MFHAS1: variants seen among roughly 807,000 people sequenced by gnomAD.
The protein encoded by MFHAS1 is multifunctional ROCO family signaling regulator 1.
Under a neutral mutation model 70.4 loss-of-function variants are expected in MFHAS1, and 50 were observed. That is an observed-to-expected ratio of 0.71 (90% CI 0.57 to 0.90). The LOEUF is 0.90. MFHAS1 is among the 40% of genes least tolerant of loss of function. The pLI, the probability that MFHAS1 is intolerant of heterozygous loss-of-function variation, is 0.00. For synonymous variants in MFHAS1, 952 were observed against 620.0 expected (o/e 1.54, Z -7.96); for missense variants, 1,795 against 1,347.6 (o/e 1.33, Z -5.20).
chr8:8,887,585 A>T (rs1809816557), intron 1 of MFHAS1, among the ~76,000 whole-genome samples: 1 of 150,280 alleles, frequency 6.7e-6, no homozygotes, highest in Non-Finnish European at 1.5e-5. Flanking sequence ...TTATATGTAT[A>T]TGTATATATT....
rs768115297 is a variant in MFHAS1, at chr8:8,891,985, G to C, written c.1074C>G (p.Pro358=). ...VLQGNQIAVL[P]DHFGQLSRVG... is the part of the protein sequence containing the mutation. ...CCCGGGAGAGCTGGCCAAAGTGGTC[G>C]GGCAGCACCGCGATCTGGTTCCCCT... The change falls in exon 1 of 3, where the codon CCC becomes CCG. Residue 358 remains proline, a synonymous_variant. Coordinates refer to ENST00000276282, the MANE Select transcript of MFHAS1 (RefSeq NM_004225.3). The surrounding 1 kb of genome is among the most constrained non-coding windows in gnomAD (Gnocchi z 5.4). 1.7e-5 allele frequency: 27 copies of C among 1,613,070 alleles called. No individual in the cohort carries two copies. The Admixed American group carries it at 3.7e-4, about 22-fold the overall frequency.
chr8:8,880,291 T>C (rs1221806347), intron 1 of MFHAS1, among the ~76,000 whole-genome samples: 3 of 152,232 alleles, frequency 2.0e-5, no homozygotes, highest in Non-Finnish European at 4.4e-5. Flanking sequence ...GACACCAATG[T>C]ATCTGCCCCA....
intron 1 of MFHAS1, among the ~76,000 whole-genome samples, chr8:8,872,767 A>G (rs1164762841): frequency 1.3e-5 from 2 of 149,634 alleles, no homozygotes; most frequent in Non-Finnish European, 2.9e-5. Flanking sequence ...CCCTATTCCA[A>G]GGGAAAAAAT....
At chr8:8,814,832 C>T (rs1806676419) in intron 1 of MFHAS1, among the ~76,000 whole-genome samples, 1 of 149,198 alleles carries the variant, frequency 6.7e-6, no homozygotes, top group South Asian at 2.1e-4. Flanking sequence ...GATACTACTT[C>T]ATGCCTGCTA....
At position 8,882,136 on chromosome 8, in the gene MFHAS1, T is replaced by G. The variant is rs1447792949; in HGVS notation, c.2998+7925A>C. Reference sequence around the variant, plus strand: ...TGGCTCACACCTGTAATCCCAGCACTCTGGGAGGCCAAAGCGGGCAGACCA... The same window carrying G: ...TGGCTCACACCTGTAATCCCAGCACGCTGGGAGGCCAAAGCGGGCAGACCA... On this transcript the variant is annotated intron_variant, in intron 1 of 2. Transcript: ENST00000276282. Among the ~76,000 whole-genome samples the G allele has an allele frequency of 2.0e-5, 3 of 152,074 alleles. No homozygotes were observed. The East Asian group carries it at 5.8e-4, about 29-fold the overall frequency.
chr8:8,813,069 C>T (rs1434834395), intron 1 of MFHAS1, among the ~76,000 whole-genome samples: 2 of 152,124 alleles, frequency 1.3e-5, no homozygotes, highest in East Asian at 3.9e-4. Context: ...ACCTGGCCTT[C>T]ATATAATGAC....
chr8:8,803,817 C>T (rs1188801099), intron 1 of MFHAS1, among the ~76,000 whole-genome samples: 1 of 151,916 alleles, frequency 6.6e-6, no homozygotes, highest in Non-Finnish European at 1.5e-5. Flanking sequence ...ACTAAAAAAA[C>T]AAAAATTAGC....
At chr8:8,871,558 G>C (rs912828971) in intron 1 of MFHAS1, among the ~76,000 whole-genome samples, 1 of 152,040 alleles carries the variant, frequency 6.6e-6, no homozygotes, top group African/African-American at 2.4e-5. Flanking sequence ...CGCAAACAAA[G>C]AAAAAACTAC....
intron 1 of MFHAS1, among the ~76,000 whole-genome samples, chr8:8,879,458 T>C (rs1256006105): frequency 1.3e-5 from 2 of 152,226 alleles, no homozygotes; most frequent in East Asian, 3.8e-4. Flanking sequence ...AATTTCCTTT[T>C]TCCAGCATCC....
At chr8:8,841,569 G>A (rs1344566015) in intron 1 of MFHAS1, among the ~76,000 whole-genome samples, 6 of 152,176 alleles carry the variant, frequency 3.9e-5, no homozygotes, top group African/African-American at 1.2e-4. Flanking sequence ...AATGTAAGAG[G>A]CCTTGTGAGC....
At chr8:8,889,045 C>G (rs200692493) in intron 1 of MFHAS1, among the ~76,000 whole-genome samples, 2 of 118,750 alleles carry the variant, frequency 1.7e-5, no homozygotes, top group South Asian at 5.6e-4. Flanking sequence ...AAAAAAAAAA[C>G]AAAAAACCCC....
In MFHAS1 at chr8:8,797,426, C is replaced by T; in HGVS notation, c.3064G>A (p.Glu1022Lys). Residue 1022 changes from glutamate to lysine, a missense_variant, in exon 2 of 3, where the codon GAG becomes AAG. Glu to Lys is a moderately conservative substitution (Grantham distance 56). Transcript: ENST00000276282. ...AEIICPKNGS[E>K]RVNVALVYPP... The stretch of plus-strand genomic sequence containing the variant: ...TAAACCAAGGCAACATTTACTCGCT[C>T]GCTGCCGTTCTTGGGGCAAATGATC... The T allele has an allele frequency of 2.5e-6, 4 of 1,614,106 alleles. No individual in the cohort carries two copies. Among genetic ancestry groups the T allele is most frequent in the Non-Finnish European group, 3.4e-6 (4 of 1,180,018 alleles).
At chr8:8,861,035 G>A (rs1250213456) in intron 1 of MFHAS1, among the ~76,000 whole-genome samples, 2 of 152,250 alleles carry the variant, frequency 1.3e-5, no homozygotes, top group Non-Finnish European at 1.5e-5. Flanking sequence ...AAGTCTACAC[G>A]TGCCTTTTAA....
At chr8:8,818,533 A>C (rs77138270) in intron 1 of MFHAS1, among the ~76,000 whole-genome samples, 3,231 of 152,318 alleles carry the variant, frequency 0.021, 120 homozygotes, top group African/African-American at 0.074. Context: ...GAACTGACTT[A>C]GCCTCCTGAG....
At chr8:8,865,970 T>C (rs1808840512) in intron 1 of MFHAS1, among the ~76,000 whole-genome samples, 1 of 152,200 alleles carries the variant, frequency 6.6e-6, no homozygotes, top group South Asian at 2.1e-4. Context: ...CTCCTGACAG[T>C]GCAGCCACGG....
chr8:8,792,229 T>A (rs1007597382), intron 2 of MFHAS1, among the ~76,000 whole-genome samples: 2 of 80,946 alleles, frequency 2.5e-5, no homozygotes, highest in African/African-American at 1.4e-4. Context: ...GGAGTGAGAC[T>A]CTGTCCCAAA....
Position 8,796,688 on chromosome 8 carries a change from CAA to C in MFHAS1, c.3125+675_3125+676del, listed in dbSNP as rs55756300. On this transcript the variant is annotated intron_variant, in intron 2 of 2. Coordinates refer to ENST00000276282, the MANE Select transcript of MFHAS1 (RefSeq NM_004225.3). ...GACAGAGCAAGACTCCGTCTCAAAA[CAA>C]AAAAAAAAAAAAAGGCAAAAAAAGG... is the stretch of plus-strand genomic sequence containing the variant. Among the ~76,000 whole-genome samples the C allele has an allele frequency of 6.1e-3, 152 of 24,758 alleles. 52 individuals carry two copies. Among genetic ancestry groups the C allele is most frequent in the African/African-American group, 0.023 (134 of 5,872 alleles). The allele number at this position is 24,758 out of a possible 152,430, so 16.2% of individuals were successfully genotyped here. A position where few individuals can be genotyped will look rare whatever the true frequency, so the allele number is the denominator to read the frequency against.
At chr8:8,870,920 A>T (rs182507422) in intron 1 of MFHAS1, among the ~76,000 whole-genome samples, 2 of 152,272 alleles carry the variant, frequency 1.3e-5, no homozygotes, top group East Asian at 3.9e-4. Flanking sequence ...AGGAGTCCTT[A>T]CTTTTTTTCT....
intron 1 of MFHAS1, among the ~76,000 whole-genome samples, chr8:8,881,324 G>C (rs866287291): frequency 6.6e-6 from 1 of 152,180 alleles, no homozygotes; most frequent in Admixed American, 6.6e-5. Context: ...GCTAGCAGTG[G>C]ATTCTGGGAA....
Sources: allele counts gnomAD v4.1 joint callset (sites outside exome capture counted in the v4.1 genomes callset), GRCh38; gene constraint gnomAD v4.1.1; non-coding constraint Gnocchi (gnomAD v3.1); transcripts MANE v1.5; gene names NCBI Gene and HGNC (gene_info 2026-07-23, HGNC 2026-07-21).